Variants in ROS1 observed in about 807,000 individuals in gnomAD.
ROS1 encodes the protein ROS proto-oncogene 1, receptor tyrosine kinase.
ROS1 carries 263 observed loss-of-function variants against 273.5 expected under a neutral mutation model. The ratio of observed to expected loss-of-function variants is 0.96; its 90% CI spans 0.87 to 1.06. ROS1 has a LOEUF of 1.06. ROS1 is among the 50% of genes least tolerant of loss of function. The probability of loss-of-function intolerance (pLI) is 0.00; values close to 1 mark genes in which losing one functional copy is unlikely to be tolerated. For missense variants in ROS1, 2,833 were observed against 2,751.1 expected (o/e 1.03, Z -0.67); for synonymous variants, 1,008 against 954.1 (o/e 1.06, Z -1.04).
intron 27 of ROS1, among the ~76,000 whole-genome samples, chr6:117,348,433 C>G (rs939737541): frequency 6.6e-6 from 1 of 151,838 alleles, no homozygotes; most frequent in Non-Finnish European, 1.5e-5. Flanking sequence ...AGAGATGTCC[C>G]CGCCTTCATT....
chr6:117,342,834 T>A (rs1353880060), intron 28 of ROS1, among the ~76,000 whole-genome samples: 1 of 152,174 alleles, frequency 6.6e-6, no homozygotes, highest in Non-Finnish European at 1.5e-5. Flanking sequence ...ATTAACATTG[T>A]ATTAGAAATT....
chr6:117,293,124 T>C (rs1279014518), intron 43 of ROS1, among the ~76,000 whole-genome samples: 1 of 152,196 alleles, frequency 6.6e-6, no homozygotes, highest in Non-Finnish European at 1.5e-5. Context: ...TCAGCTTAGA[T>C]GTAACCTCCT....
In ROS1 at chr6:117,338,539, C is replaced by CAAAAAAA. The variant is rs3086778; in HGVS notation, c.5062-1206_5062-1200dup. On this transcript the variant is annotated intron_variant, in intron 31 of 43. Coordinates refer to ENST00000368507, the MANE Select transcript of ROS1 (RefSeq NM_001378902.1). Reference sequence around the variant, plus strand: ...AGAGAGAGAGAAATTAACTCCTGGCCAAAAAAAAAAAGTCTTAACTCTTTA... The same window carrying CAAAAAAA: ...AGAGAGAGAGAAATTAACTCCTGGCCAAAAAAAAAAAAAAAAAAGTCTTAACTCTTTA... 2.9e-4 allele frequency among the ~76,000 whole-genome samples: 41 copies of CAAAAAAA among 141,662 alleles called. 3 individuals are homozygous for CAAAAAAA. The highest frequency in any genetic ancestry group is 3.9e-4 in the Non-Finnish European group (25 of 64,840). 92.9% of individuals were successfully genotyped at this position (141,662 alleles called of 152,430 possible).
intron 39 of ROS1, among the ~76,000 whole-genome samples, chr6:117,312,711 A>G (rs1366992018): frequency 6.6e-6 from 1 of 152,102 alleles, no homozygotes; most frequent in Non-Finnish European, 1.5e-5. Context: ...CTGATATCCC[A>G]TGTATCAACC....
Position 117,344,085 on chromosome 6 carries a change from C to T in ROS1, c.4481G>A (p.Ser1494Asn). ...YYAEVNDRKN[S>N]SDLKYRILEF... ...CAGAATTCTATATTTCAAGTCAGAG[C>T]TGTTTTTCCTGTCATTAACTTCTGC... The change falls in exon 28 of 44, where the codon AGC (serine) becomes AAC (asparagine). Residue 1494 changes from serine to asparagine, a missense_variant. By Grantham distance (46) the Ser-to-Asn change is conservative (BLOSUM62 1). Coordinates refer to ENST00000368507, the MANE Select transcript of ROS1 (RefSeq NM_001378902.1). The T allele has an allele frequency of 1.9e-6, 3 of 1,613,658 alleles. No individual in the cohort carries two copies. The highest frequency in any genetic ancestry group is 2.5e-6 in the Non-Finnish European group (3 of 1,179,664).
At chr6:117,289,301 GACT>G (rs1462371547) in intron 43 of ROS1, among the ~76,000 whole-genome samples, 11 of 152,138 alleles carry the variant, frequency 7.2e-5, no homozygotes, top group Admixed American at 5.9e-4. Flanking sequence ...ATTTACTGAT[GACT>G]ACTACATTCC....
chr6:117,321,661 C>T (rs1173911664), intron 35 of ROS1, among the ~76,000 whole-genome samples: 2 of 151,966 alleles, frequency 1.3e-5, no homozygotes, highest in African/African-American at 4.8e-5. Context: ...TTGTTATAAA[C>T]AAATTAAAGT....
At chr6:117,303,135 C>T (rs751024197) in intron 42 of ROS1, among the ~76,000 whole-genome samples, 5 of 152,166 alleles carry the variant, frequency 3.3e-5, no homozygotes, top group Non-Finnish European at 7.3e-5. Context: ...GCCTGGTTTT[C>T]AAGCCTACTG....
chr6:117,370,026 T>C (rs1007945507), intron 18 of ROS1, among the ~76,000 whole-genome samples: 1 of 152,184 alleles, frequency 6.6e-6, no homozygotes, highest in Non-Finnish European at 1.5e-5. Flanking sequence ...TGGATATATA[T>C]GGATATATAC....
At chr6:117,294,767 C>G (rs936687512) in intron 43 of ROS1, among the ~76,000 whole-genome samples, 1 of 152,022 alleles carries the variant, frequency 6.6e-6, no homozygotes, top group African/African-American at 2.4e-5. Flanking sequence ...GATGAAAATT[C>G]TCTACAAGGG....
At chr6:117,370,771 A>C (rs1164129895) in intron 18 of ROS1, among the ~76,000 whole-genome samples, 1 of 152,224 alleles carries the variant, frequency 6.6e-6, no homozygotes, top group Non-Finnish European at 1.5e-5. Context: ...ATAAATAGAC[A>C]TACTTAAAAT....
chr6:117,373,157 T>C (rs905136250), intron 18 of ROS1, among the ~76,000 whole-genome samples: 10 of 152,352 alleles, frequency 6.6e-5, no homozygotes, highest in African/African-American at 2.4e-4. Flanking sequence ...GATTGGTGCA[T>C]ATACAATCCT....
chr6:117,295,310 T>C (rs1774145100), intron 43 of ROS1, among the ~76,000 whole-genome samples: 1 of 152,178 alleles, frequency 6.6e-6, no homozygotes, highest in Non-Finnish European at 1.5e-5. Context: ...ACTAGACCCC[T>C]ATCTCTCTAC....
chr6:117,416,326 G>C lies in ROS1; in HGVS notation c.169-9C>G. On this transcript the variant is annotated splice_polypyrimidine_tract_variant and intron_variant, in intron 2 of 43. Transcript: ENST00000368507. ...TGACATCCTTGGATACACTGCAAGA[G>C]ACAATAACAGACAATGGTGAGTGAT... The C allele has an allele frequency of 6.4e-7, 1 of 1,556,054 alleles. No homozygotes were observed. Among genetic ancestry groups the C allele is most frequent in the Non-Finnish European group, 8.9e-7 (1 of 1,127,264 alleles).
chr6:117,355,197 G>T (rs569785170), intron 26 of ROS1, among the ~76,000 whole-genome samples: 2 of 152,278 alleles, frequency 1.3e-5, no homozygotes, highest in African/African-American at 4.8e-5. Context: ...GGACTCAGAG[G>T]AGCATAACCA....
intron 33 of ROS1, among the ~76,000 whole-genome samples, 178 bp from the exon 34 acceptor site, chr6:117,326,592 A>T (rs191017797): frequency 6.6e-6 from 1 of 152,156 alleles, no homozygotes; most frequent in East Asian, 1.9e-4. Context: ...TTTTATAGTG[A>T]TCCTAGTGAG....
In ROS1 at chr6:117,379,118, A is replaced by G. The variant is rs958786267; in HGVS notation, c.2523T>C (p.Tyr841=). 12 of 1,613,268 alleles carry G rather than the reference A, an allele frequency of 7.4e-6. No homozygotes were observed. The highest frequency in any genetic ancestry group is 1.0e-5 in the Non-Finnish European group (12 of 1,179,292). The change falls in exon 18 of 44, where the codon TAT becomes TAC. Residue 841 remains tyrosine (Y), a synonymous_variant. Coordinates refer to ENST00000368507, the MANE Select transcript of ROS1 (RefSeq NM_001378902.1). ...LTLDLSDGLL[Y]WLVQDSQCIH... is the part of the protein sequence containing the mutation. ...TACATTGACTGTCTTGAACCAACCAATACAGGAGCCCATCACTGAGGTCTA... is the reference window on the plus strand; with the variant it reads ...TACATTGACTGTCTTGAACCAACCAGTACAGGAGCCCATCACTGAGGTCTA...
chr6:117,388,925 C>T (rs1772820991), intron 13 of ROS1, among the ~76,000 whole-genome samples: 2 of 152,134 alleles, frequency 1.3e-5, no homozygotes, highest in African/African-American at 4.8e-5. Flanking sequence ...AGGCTGACTC[C>T]AGAGCCCACC....
intron 1 of ROS1, among the ~76,000 whole-genome samples, chr6:117,418,995 A>T (rs1341470501): frequency 6.6e-6 from 1 of 152,214 alleles, no homozygotes; most frequent in East Asian, 1.9e-4. Context: ...AAGGACAGAG[A>T]TCTATAAATT....
Sources: gnomAD v4.1 joint callset for allele counts (sites outside exome capture counted in the v4.1 genomes callset) on GRCh38, gnomAD v4.1.1 for gene constraint, MANE v1.5 for transcripts, NCBI Gene and HGNC (gene_info 2026-07-23, HGNC 2026-07-21) for gene names.